Variants in UGT2B11 observed in about 807,000 individuals in gnomAD.
UGT2B11 encodes the protein UDP-glucuronosyltransferase 2B11.
Under a neutral mutation model 51.7 loss-of-function variants are expected in UGT2B11, and 49 were observed. The observed-to-expected ratio is 0.95, with a 90% CI of 0.75 to 1.20. UGT2B11 has a LOEUF of 1.20. Among genes scored for constraint, UGT2B11 ranks in the 50% most tolerant of loss-of-function variants. UGT2B11 has a pLI of 0.00. For missense variants in UGT2B11, 810 were observed against 622.1 expected (o/e 1.30, Z -3.21); for synonymous variants, 273 against 209.0 (o/e 1.31, Z -2.64).
the UGT2B11 span, among the ~76,000 whole-genome samples, chr4:69,220,061 A>C: frequency 6.6e-6 from 1 of 152,216 alleles, no homozygotes; most frequent in Admixed American, 6.5e-5. Flanking sequence ...ATGAAGAAAC[A>C]GGCATTGGAT....
intron 1 of UGT2B11, among the ~76,000 whole-genome samples, chr4:69,213,372 C>T (rs1722146415): frequency 1.3e-5 from 2 of 151,734 alleles, no homozygotes; most frequent in Non-Finnish European, 2.9e-5. Context: ...TTTCAATAAA[C>T]TATATAGATA....
chr4:69,217,943 T>A (rs926346760), upstream of UGT2B11, among the ~76,000 whole-genome samples: 5 of 152,118 alleles, frequency 3.3e-5, no homozygotes, highest in African/African-American at 1.2e-4. Context: ...TGAGCAAATT[T>A]TGGAATGGAA....
Position 69,214,195 on chromosome 4 carries a change from A to T in UGT2B11, c.528T>A (p.Pro176=). 6.2e-7 allele frequency: 1 copy of T among 1,613,126 alleles called. No individual in the cohort carries two copies. ...CACTGTGCCTTTCAATTGTGTAGCCAGGAGTAAAGCGGAGACTGTACACAA... is the reference window on the plus strand; with the variant it reads ...CACTGTGCCTTTCAATTGTGTAGCCTGGAGTAAAGCGGAGACTGTACACAA... The part of the protein sequence containing the change: ...IRFVYSLRFT[P]GYTIERHSGG... Residue 176 remains proline (P), a synonymous_variant, in exon 1 of 6, where the codon CCT becomes CCA. Transcript: ENST00000446444.
chr4:69,203,007 A>C (rs1721714761), intron 5 of UGT2B11, among the ~76,000 whole-genome samples: 1 of 151,644 alleles, frequency 6.6e-6, no homozygotes. Context: ...GGAGTGAACA[A>C]AATCAATTAT....
At chr4:69,216,916 C>A (rs553205284), upstream of UGT2B11, 2 of 152,058 alleles carry the variant, frequency 1.3e-5, no homozygotes, top group South Asian at 2.1e-4. Context: ...GTGATCTATT[C>A]TTATTTATCT....
At chr4:69,205,437 T>G (rs1177670988) in intron 4 of UGT2B11, 43 bp downstream of exon 4, 1 of 1,589,210 alleles carries the variant, frequency 6.3e-7, no homozygotes, top group Non-Finnish European at 8.6e-7. Context: ...CCCTCTAATG[T>G]GCAGTTACTA....
upstream of UGT2B11, among the ~76,000 whole-genome samples, chr4:69,216,950 T>A: frequency 6.6e-6 from 1 of 152,104 alleles, no homozygotes; most frequent in Non-Finnish European, 1.5e-5. Context: ...TAGACCGTCT[T>A]CATTTTCTCT....
chr4:69,202,130 T>A (rs1721681309), intron 5 of UGT2B11, among the ~76,000 whole-genome samples: 1 of 151,804 alleles, frequency 6.6e-6, no homozygotes, highest in African/African-American at 2.4e-5. Flanking sequence ...CATTACTATG[T>A]AGCATTCCAT....
chr4:69,211,141 C>T (rs1465895595), intron 2 of UGT2B11: 1 of 151,532 alleles, frequency 6.6e-6, no homozygotes, highest in Non-Finnish European at 1.5e-5. Context: ...ATCATCTGCT[C>T]TAATAGGTAT....
In UGT2B11 at chr4:69,214,360, G is replaced by A. The variant is rs1722191491; in HGVS notation, c.363C>T (p.Asp121=). 1 of 1,612,538 alleles carries A rather than the reference G, an allele frequency of 6.2e-7. No homozygotes were observed. The highest frequency in any genetic ancestry group is 8.5e-7 in the Non-Finnish European group (1 of 1,179,344). ...QEQEILWELY[D]IFRNFCKDVV... is the part of the protein sequence containing the mutation. Reference sequence around the variant, plus strand: ...CATCTTTACAGAAGTTTCTAAATATGTCATATAATTCCCACAGGATTTCTT... The same window carrying A: ...CATCTTTACAGAAGTTTCTAAATATATCATATAATTCCCACAGGATTTCTT... The change falls in exon 1 of 6, where the codon GAC becomes GAT. Residue 121 remains aspartate (D), a synonymous_variant. Coordinates refer to ENST00000446444, the MANE Select transcript of UGT2B11 (RefSeq NM_001073.3).
At chr4:69,201,698 G>A (rs1721665492) in intron 5 of UGT2B11, among the ~76,000 whole-genome samples, 1 of 151,616 alleles carries the variant, frequency 6.6e-6, no homozygotes, top group Non-Finnish European at 1.5e-5. Flanking sequence ...CTCTAAGAGA[G>A]GCTTTTACTG....
rs1722118639 is a variant in UGT2B11, at chr4:69,212,691, C to T, written c.752G>A (p.Gly251Glu). 2 of 1,609,096 alleles carry T rather than the reference C, an allele frequency of 1.2e-6. No individual in the cohort carries two copies. Among genetic ancestry groups the T allele is most frequent in the Non-Finnish European group, 1.7e-6 (2 of 1,177,382 alleles). ...GRPTTLFETMGKADIWLMRNS... is the reference protein window; with the variant it reads ...GRPTTLFETMEKADIWLMRNS... ...TCGCATAAGCCATATGTCAGCTTTT[C>T]CCATTGTCTCAAATAAGGTAGTGGG... The change falls in exon 2 of 6, where the codon GGA (glycine) becomes GAA (glutamate). Residue 251 changes from glycine to glutamate, a missense_variant. Coordinates refer to ENST00000446444, the MANE Select transcript of UGT2B11 (RefSeq NM_001073.3).
At chr4:69,211,394 G>A (rs1267339784) in intron 2 of UGT2B11, among the ~76,000 whole-genome samples, 1 of 151,398 alleles carries the variant, frequency 6.6e-6, no homozygotes, top group Non-Finnish European at 1.5e-5. Context: ...CAAGTCCACA[G>A]GGTATCTGTC....
intron 2 of UGT2B11, 109 bp from the exon 3 acceptor site, chr4:69,208,591 A>T: frequency 6.6e-7 from 1 of 1,518,396 alleles, no homozygotes; most frequent in East Asian, 2.3e-5. Context: ...TTGAGGAATT[A>T]TTGGAATTAA....
At chr4:69,222,573 G>A in the UGT2B11 span, among the ~76,000 whole-genome samples, 1 of 152,148 alleles carries the variant, frequency 6.6e-6, no homozygotes, top group Non-Finnish European at 1.5e-5. Flanking sequence ...CATTTAGCTG[G>A]CTAAAGTACC....
Position 69,214,473 on chromosome 4 carries a change from T to A in UGT2B11, c.250A>T (p.Thr84Ser). The A allele has an allele frequency of 1.2e-6, 2 of 1,613,240 alleles. No homozygotes were observed. Among genetic ancestry groups the A allele is most frequent in the Non-Finnish European group, 1.7e-6 (2 of 1,179,492 alleles). The change falls in exon 1 of 6, where the codon ACT becomes TCT. Residue 84 changes from threonine (T) to serine (S), a missense_variant. Thr to Ser is a moderately conservative substitution (Grantham distance 58, BLOSUM62 1). Transcript: ENST00000446444. ...TGCATGATGATATTCTCAAATTCAG[T>A]TTTAGTTAAAGATGTAGGATAAACT... Reference protein sequence around the residue: ...FEVYPTSLTKTEFENIIMQQV... With the variant: ...FEVYPTSLTKSEFENIIMQQV...
At chr4:69,219,353 C>G (rs1485744224), upstream of UGT2B11, among the ~76,000 whole-genome samples, 3 of 152,042 alleles carry the variant, frequency 2.0e-5, no homozygotes, top group African/African-American at 4.8e-5. Flanking sequence ...AGGCCTTTAT[C>G]AGATGCATAG....
chr4:69,205,420 T>C, intron 4 of UGT2B11, 60 bp downstream of exon 4: 1 of 1,568,282 alleles, frequency 6.4e-7, no homozygotes. Flanking sequence ...TAAGCATGTT[T>C]CATTAACCCT....
chr4:69,201,602 T>G (rs1178992645), intron 5 of UGT2B11, among the ~76,000 whole-genome samples: 2 of 151,810 alleles, frequency 1.3e-5, no homozygotes, highest in Non-Finnish European at 2.9e-5. Flanking sequence ...TTACACGTTT[T>G]GACCCTTCTC....
Sources: allele counts gnomAD v4.1 joint callset (sites outside exome capture counted in the v4.1 genomes callset), GRCh38; gene constraint gnomAD v4.1.1; transcripts MANE v1.5; gene names NCBI Gene and HGNC (gene_info 2026-07-23, HGNC 2026-07-21).